The following DGKI variants were observed in gnomAD, a reference collection of about 807,000 sequenced individuals.
The protein encoded by DGKI is diacylglycerol kinase iota.
Under a neutral mutation model 147.5 loss-of-function variants are expected in DGKI, and 55 were observed. That is an observed-to-expected ratio of 0.37 (90% confidence interval 0.30 to 0.47). The LOEUF is 0.47. Ranked by LOEUF, DGKI falls within the 20% of genes least tolerant of loss-of-function variation. The pLI, the probability that DGKI is intolerant of heterozygous loss-of-function variation, is 1.00. For missense variants in DGKI, 1,007 were observed against 1,323.8 expected, an observed-to-expected ratio of 0.76 and a Z score of 3.71; for synonymous variants, 469 against 477.1, an observed-to-expected ratio of 0.98 and a Z score of 0.22.
At chr7:137,766,036 C>A (rs1796005341) in intron 1 of DGKI, among the ~76,000 whole-genome samples, 1 of 152,194 alleles carries the variant, frequency 6.6e-6, no homozygotes, top group African/African-American at 2.4e-5. Context: ...AATGTCAGAT[C>A]TAGTTCCTGC....
chr7:137,472,370 TTATTA>T lies in DGKI; in HGVS notation c.2374-2756_2374-2752del, dbSNP rs1563040360. Among the ~76,000 whole-genome samples, 7 of 2,876 alleles carry T rather than the reference TTATTA, an allele frequency of 2.4e-3. 2 individuals are homozygous for T. Among genetic ancestry groups the T allele is most frequent in the Admixed American group, 8.5e-3 (2 of 236 alleles). 1.9% of individuals were successfully genotyped at this position (2,876 alleles called of 152,430 possible). On this transcript the variant is annotated intron_variant, in intron 23 of 32. Transcript: ENST00000614521. ...TTATTATATGTATATATACATATAA[TTATTA>T]TATGTATATATACATATTATAATTA...
At chr7:137,759,841 T>C (rs1190374660) in intron 1 of DGKI, among the ~76,000 whole-genome samples, 2 of 152,104 alleles carry the variant, frequency 1.3e-5, no homozygotes, top group Non-Finnish European at 2.9e-5. Flanking sequence ...CTCACACACA[T>C]TTTGAGCATC....
intron 21 of DGKI, among the ~76,000 whole-genome samples, chr7:137,492,537 C>T (rs1254082069): frequency 6.6e-6 from 1 of 152,158 alleles, no homozygotes; most frequent in Non-Finnish European, 1.5e-5. Context: ...GACATACTCT[C>T]ACCATGGACT....
At chr7:137,538,653 G>T (rs941788112) in intron 20 of DGKI, among the ~76,000 whole-genome samples, 6 of 152,166 alleles carry the variant, frequency 3.9e-5, no homozygotes, top group African/African-American at 1.4e-4. Flanking sequence ...ACTGCAGTGG[G>T]CAAGAAGAAA....
chr7:137,665,403 TC>T (rs1390114229), intron 3 of DGKI, among the ~76,000 whole-genome samples: 1 of 152,186 alleles, frequency 6.6e-6, no homozygotes, highest in Non-Finnish European at 1.5e-5. Context: ...AGGGCTTCAA[TC>T]CTACCCCTTG....
chr7:137,485,348 A>T, intron 23 of DGKI, 26 bp downstream of exon 23: 1 of 1,587,654 alleles, frequency 6.3e-7, no homozygotes, highest in Non-Finnish European at 8.6e-7. Flanking sequence ...GAAGGTAAGA[A>T]ACAAGGAGAG....
intron 28 of DGKI, among the ~76,000 whole-genome samples, chr7:137,427,227 GA>G (rs1418840147): frequency 2.6e-5 from 4 of 152,088 alleles, no homozygotes; most frequent in African/African-American, 9.7e-5. Context: ...AATCAAACTA[GA>G]ACTCAGGATT....
intron 7 of DGKI, among the ~76,000 whole-genome samples, chr7:137,623,175 G>A (rs1171077245): frequency 6.6e-6 from 1 of 152,208 alleles, no homozygotes; most frequent in Non-Finnish European, 1.5e-5. Context: ...GGAAAATGTG[G>A]TCTAGGTGTG....
At chr7:137,430,228 A>T (rs1813006428) in intron 28 of DGKI, among the ~76,000 whole-genome samples, 1 of 151,696 alleles carries the variant, frequency 6.6e-6, no homozygotes, top group African/African-American at 2.4e-5. Context: ...GCAGCCATAA[A>T]AAATGATAAG....
chr7:137,653,120 ATGTG>A (rs1187523643), intron 5 of DGKI, among the ~76,000 whole-genome samples: 1 of 151,874 alleles, frequency 6.6e-6, no homozygotes, highest in African/African-American at 2.4e-5. Flanking sequence ...GTGTGTGTGT[ATGTG>A]TGTTTGTGTG....
Position 137,399,930 on chromosome 7 carries a change from G to C in DGKI, c.2921-2517C>G, listed in dbSNP as rs559565483. On this transcript the variant is annotated intron_variant, in intron 30 of 32. Transcript: ENST00000614521. ...ACTTCTCAAAAAAAAAAAAAAGAAA[G>C]AAAGAAAAGAGTCAATACACATAGT... 6.0e-5 allele frequency among the ~76,000 whole-genome samples: 9 copies of C among 150,952 alleles called. No homozygotes were observed. The South Asian group carries it at 1.9e-3, about 32-fold the overall frequency.
chr7:137,484,788 T>A (rs1815496491), intron 23 of DGKI, among the ~76,000 whole-genome samples: 1 of 152,034 alleles, frequency 6.6e-6, no homozygotes, highest in South Asian at 2.1e-4. Flanking sequence ...GTTTATTAGA[T>A]TGTCCAAAAG....
At chr7:137,734,061 T>G (rs1168530362) in intron 1 of DGKI, among the ~76,000 whole-genome samples, 1 of 152,060 alleles carries the variant, frequency 6.6e-6, no homozygotes, top group African/African-American at 2.4e-5. Context: ...GTCATACAGG[T>G]GTGGTAGGCA....
intron 21 of DGKI, among the ~76,000 whole-genome samples, chr7:137,510,021 C>T (rs1336779840): frequency 6.6e-6 from 1 of 152,216 alleles, no homozygotes; most frequent in Non-Finnish European, 1.5e-5. Flanking sequence ...AGCATGAGAT[C>T]CAATCATGGA....
chr7:137,671,577 A>G (rs2116351510), intron 3 of DGKI, among the ~76,000 whole-genome samples: 1 of 152,336 alleles, frequency 6.6e-6, no homozygotes, highest in East Asian at 1.9e-4. Context: ...TTATCCCTCT[A>G]CTGATTCTGA....
intron 1 of DGKI, among the ~76,000 whole-genome samples, chr7:137,787,258 C>T (rs763721970): frequency 1.6e-4 from 25 of 151,878 alleles, no homozygotes; most frequent in East Asian, 7.7e-4. Flanking sequence ...CTACAAAGAA[C>T]GCAAACAAAT....
At chr7:137,603,232 T>TG (rs1192095370) in intron 10 of DGKI, among the ~76,000 whole-genome samples, 1 of 152,300 alleles carries the variant, frequency 6.6e-6, no homozygotes, top group African/African-American at 2.4e-5. Context: ...TGACAATTGT[T>TG]GGGGGTGTGG....
At chr7:137,562,323 G>A (rs1818443885) in intron 19 of DGKI, among the ~76,000 whole-genome samples, 1 of 152,174 alleles carries the variant, frequency 6.6e-6, no homozygotes, top group South Asian at 2.1e-4. Flanking sequence ...ATCACCAGAG[G>A]TCAGGAGTTC....
chr7:137,513,495 T>C (rs1816647143), intron 21 of DGKI, among the ~76,000 whole-genome samples: 2 of 152,244 alleles, frequency 1.3e-5, no homozygotes, highest in Admixed American at 6.5e-5. Flanking sequence ...CTTTCCTTAG[T>C]TTTATAGTTA....
Sources: allele counts gnomAD v4.1 joint callset (sites outside exome capture counted in the v4.1 genomes callset), GRCh38; gene constraint gnomAD v4.1.1; transcripts MANE v1.5; gene names NCBI Gene and HGNC (gene_info 2026-07-23, HGNC 2026-07-21).